Variants in SEZ6 observed in about 807,000 individuals in gnomAD.
The protein encoded by SEZ6 is seizure related 6 homolog.
A neutral mutation model predicts 101.0 loss-of-function variants in SEZ6; 53 were observed. The ratio of observed to expected loss-of-function variants is 0.52; its 90% CI spans 0.42 to 0.66. SEZ6 has a LOEUF of 0.66. Among genes scored for constraint, SEZ6 ranks in the 30% least tolerant of loss-of-function variants. The pLI is 0.00. For synonymous variants in SEZ6, 488 were observed against 512.2 expected (o/e 0.95, Z 0.64); for missense variants, 1,102 against 1,289.4 (o/e 0.85, Z 2.23).
At chr17:28,961,864 C>G (rs778926059) in intron 5 of SEZ6, among the ~76,000 whole-genome samples, 2 of 152,168 alleles carry the variant, frequency 1.3e-5, no homozygotes, top group Non-Finnish European at 2.9e-5. Context: ...ATACACAGGA[C>G]CTTTGTCTCC....
intron 1 of SEZ6, among the ~76,000 whole-genome samples, chr17:28,989,597 A>T (rs1388085854): frequency 1.3e-5 from 2 of 152,214 alleles, no homozygotes; most frequent in Non-Finnish European, 2.9e-5. Context: ...TGCCAAAATT[A>T]TAATGGTGAG....
chr17:28,965,455 A>G (rs1386643414), intron 4 of SEZ6, among the ~76,000 whole-genome samples: 1 of 152,190 alleles, frequency 6.6e-6, no homozygotes, highest in African/African-American at 2.4e-5. Context: ...CCTGGGCAAC[A>G]TAGTGAGGTC....
At chr17:28,987,791 T>C (rs1428313441) in intron 1 of SEZ6, among the ~76,000 whole-genome samples, 1 of 152,114 alleles carries the variant, frequency 6.6e-6, no homozygotes. Flanking sequence ...TGGGACATTA[T>C]CCCAAGAGAT....
At chr17:28,991,566 T>G (rs1730581570) in intron 1 of SEZ6, among the ~76,000 whole-genome samples, 1 of 152,178 alleles carries the variant, frequency 6.6e-6, no homozygotes, top group Non-Finnish European at 1.5e-5. Context: ...TGCATATCCC[T>G]ACCTGACTTC....
chr17:28,958,973 G>C, intron 10 of SEZ6, 52 bp downstream of exon 10: 1 of 1,551,268 alleles, frequency 6.4e-7, no homozygotes, highest in East Asian at 2.3e-5. Context: ...TAGCCTCTTT[G>C]GCTTGCCATG....
At chr17:28,980,230 G>A (rs1382233053) in intron 2 of SEZ6, among the ~76,000 whole-genome samples, 28 of 146,030 alleles carry the variant, frequency 1.9e-4, no homozygotes, top group Non-Finnish European at 3.9e-4. Context: ...TTTTTGAGAC[G>A]GAGTTTTACT....
rs769462070 is a variant in SEZ6 at position 28,959,170 on chromosome 17, C to T, written c.1962G>A (p.Leu654=). Residue 654 remains leucine, a synonymous_variant, in exon 10 of 17, where the codon CTG becomes CTA. Transcript: ENST00000317338. The surrounding 1 kb of genome is among the most constrained non-coding windows in gnomAD (Gnocchi z 4.4). ...AGTACTGGCCCAGAACCCGGGCCGT[C>T]AGGTCATCCCCATCATAGAAGGTAA... ...DVLTFYDGDD[L]TARVLGQYSG... is the part of the protein sequence containing the mutation. 58 of 1,613,492 alleles carry T rather than the reference C, an allele frequency of 3.6e-5. No individual in the cohort carries two copies. Among genetic ancestry groups the T allele is most frequent in the Non-Finnish European group, 4.8e-5 (57 of 1,179,714 alleles).
intron 1 of SEZ6, 31 bp from the exon 2 acceptor site, chr17:28,982,070 C>G: frequency 6.5e-7 from 1 of 1,538,292 alleles, no homozygotes; most frequent in South Asian, 1.2e-5. Flanking sequence ...CAGAGGTTCT[C>G]CCCCTGCTCC....
chr17:28,998,533 C>T (rs1218375309), intron 1 of SEZ6, among the ~76,000 whole-genome samples: 1 of 152,080 alleles, frequency 6.6e-6, no homozygotes, highest in Non-Finnish European at 1.5e-5. Context: ...TCTTTCCCCA[C>T]CACAAATTCA....
chr17:28,977,708 T>TG (rs1048456074), intron 3 of SEZ6, among the ~76,000 whole-genome samples: 97 of 146,252 alleles, frequency 6.6e-4, no homozygotes, highest in Middle Eastern at 6.8e-3. Context: ...GTGGTAGGCT[T>TG]GGGGGGGGCA....
At chr17:29,004,095 C>T (rs1232271447) in intron 1 of SEZ6, among the ~76,000 whole-genome samples, 1 of 152,204 alleles carries the variant, frequency 6.6e-6, no homozygotes, top group African/African-American at 2.4e-5. Flanking sequence ...TCCTCACACC[C>T]ATTCACTGCT....
Position 29,005,494 on chromosome 17 carries a change from T to C in SEZ6, c.55+321A>G, listed in dbSNP as rs1598221144. Among the ~76,000 whole-genome samples, 1 of 152,162 alleles carries C rather than the reference T, an allele frequency of 6.6e-6. No homozygotes were observed. The highest frequency in any genetic ancestry group is 2.1e-4 in the South Asian group (1 of 4,834). On this transcript the variant is annotated intron_variant, in intron 1 of 16. Transcript: ENST00000317338. The surrounding 1 kb of genome is among the most constrained non-coding windows in gnomAD (Gnocchi z 4.8). Reference sequence around the variant, plus strand: ...CCAGCACCCTGAGATGCCTAGAGTGTGGCGAGGTAGCGCGCGGGTGAGCGC... The same window carrying C: ...CCAGCACCCTGAGATGCCTAGAGTGCGGCGAGGTAGCGCGCGGGTGAGCGC...
rs12941884 is a variant in SEZ6, at chr17:28,957,425, A to G, written c.2417T>C (p.Met806Thr). 0.14 allele frequency: 225,754 copies of G among 1,613,832 alleles called. 17,228 individuals are homozygous for G. The highest frequency in any genetic ancestry group is 0.26 in the South Asian group (23,236 of 91,076). The stretch of plus-strand genomic sequence containing the variant: ...ATGGCAGGTGAGGATGGAGCTGCCC[A>G]TCAGCACAAAACCCTGGTCACAGAT... ...QYICDQGFVL[M>T]GSSILTCHDR... Residue 806 changes from methionine (M) to threonine (T), a missense_variant, in exon 12 of 17, where the codon ATG becomes ACG. Met to Thr is a moderately conservative substitution (Grantham distance 81). Transcript: ENST00000317338.
chr17:28,982,978 C>T (rs2041331258), intron 1 of SEZ6, among the ~76,000 whole-genome samples: 2 of 112,910 alleles, frequency 1.8e-5, no homozygotes, highest in African/African-American at 6.7e-5. Flanking sequence ...GGGTGCATGA[C>T]TTCTTTGTTA....
chr17:28,968,706 C>G (rs2041107213), intron 4 of SEZ6, among the ~76,000 whole-genome samples: 1 of 152,188 alleles, frequency 6.6e-6, no homozygotes, highest in South Asian at 2.1e-4. Context: ...TTCCAAGCAG[C>G]CCCATCTCCA....
At chr17:28,996,442 C>A (rs1262490539) in intron 1 of SEZ6, among the ~76,000 whole-genome samples, 1 of 152,146 alleles carries the variant, frequency 6.6e-6, no homozygotes. Context: ...CCTTCACTTC[C>A]CCAGCAAACC....
At chr17:28,978,114 C>T (rs1262517690) in intron 3 of SEZ6, among the ~76,000 whole-genome samples, 1 of 152,206 alleles carries the variant, frequency 6.6e-6, no homozygotes, top group Non-Finnish European at 1.5e-5. Flanking sequence ...TAGACGGCTT[C>T]AGTCCCCAAT....
At position 28,958,996 on chromosome 17, in the gene SEZ6, C is replaced by T. The variant is rs754469917; in HGVS notation, c.2107+29G>A. The stretch of plus-strand genomic sequence containing the variant: ...TTGGCTTGCCATGGCTTGCTGTCTG[C>T]ACTCTGAGTGGGGTAGGGACAAGCT... On this transcript the variant is annotated intron_variant, in intron 10 of 16. Coordinates refer to ENST00000317338, the MANE Select transcript of SEZ6 (RefSeq NM_178860.5). 7.6e-6 allele frequency: 12 copies of T among 1,586,648 alleles called. No individual in the cohort carries two copies. In the South Asian group the frequency reaches 1.2e-4, roughly 15 times the overall value.
At chr17:28,976,409 G>T (rs145762983) in intron 3 of SEZ6, among the ~76,000 whole-genome samples, 5 of 152,344 alleles carry the variant, frequency 3.3e-5, no homozygotes, top group African/African-American at 1.2e-4. Flanking sequence ...GGTATGATTT[G>T]TGGGTCCCTA....
Sources: gnomAD v4.1 joint callset for allele counts (sites outside exome capture counted in the v4.1 genomes callset) on GRCh38, gnomAD v4.1.1 for gene constraint, Gnocchi (gnomAD v3.1) non-coding constraint, MANE v1.5 for transcripts, NCBI Gene and HGNC (gene_info 2026-07-23, HGNC 2026-07-21) for gene names.